The following VWA8 variants were observed in gnomAD, a reference collection of about 807,000 sequenced individuals.
VWA8 encodes the protein von Willebrand factor A domain containing 8, also known as von Willebrand factor A domain-containing protein 8.
In VWA8, 221 loss-of-function variants were observed where a neutral mutation model predicts 241.5. The observed-to-expected ratio is 0.91, with a 90% CI of 0.82 to 1.02. The LOEUF is 1.02. VWA8 is among the 50% of genes least tolerant of loss of function. The probability of loss-of-function intolerance (pLI) is 0.00; values close to 1 mark genes in which losing one functional copy is unlikely to be tolerated. For synonymous variants in VWA8, 852 were observed against 827.1 expected, an observed-to-expected ratio of 1.03 and a Z score of -0.52; for missense variants, 2,322 against 2,328.7, an observed-to-expected ratio of 1.00 and a Z score of 0.06.
chr13:41,795,829 A>C (rs916684625), intron 17 of VWA8, among the ~76,000 whole-genome samples: 1 of 152,152 alleles, frequency 6.6e-6, no homozygotes, highest in Non-Finnish European at 1.5e-5. Flanking sequence ...CAGGAAGAAT[A>C]GCTAATATAG....
Position 41,590,497 on chromosome 13 carries a change from TC to T in VWA8, c.5112+142del, listed in dbSNP as rs1489952817. The stretch of plus-strand genomic sequence containing the variant: ...TTTATGGAGTTTTTCTTCTTCTTCT[TC>T]TTTTTTTTTTTTTTTAACATAATGC... On this transcript the variant is annotated intron_variant, in intron 41 of 44. Coordinates refer to ENST00000379310, the MANE Select transcript of VWA8 (RefSeq NM_015058.2). 12 of 881,912 alleles carry T rather than the reference TC, an allele frequency of 1.4e-5. No individual in the cohort carries two copies. In the African/African-American group the frequency reaches 1.7e-4, roughly 13 times the overall value. The allele number at this position is 881,912 out of a possible 1,614,324, so 54.6% of individuals were successfully genotyped here.
At chr13:41,884,587 A>AG (rs1211888661) in intron 8 of VWA8, among the ~76,000 whole-genome samples, 1 of 151,928 alleles carries the variant, frequency 6.6e-6, no homozygotes, top group East Asian at 1.9e-4. Flanking sequence ...AGGAAAAAAA[A>AG]AAAGAAAAAA....
At chr13:41,729,798 GACACACACACAC>G (rs59345894) in intron 22 of VWA8, 121 bp from the exon 23 acceptor site, 298 of 445,168 alleles carry the variant, frequency 6.7e-4, no homozygotes, top group South Asian at 4.0e-3. Flanking sequence ...TATACACGTA[GACACACACACAC>G]ACACACACAC....
Position 41,685,220 on chromosome 13 carries a change from C to T in VWA8, c.4154G>A (p.Trp1385Ter). The T allele has an allele frequency of 2.5e-6, 4 of 1,612,330 alleles. No individual in the cohort carries two copies. The highest frequency in any genetic ancestry group is 3.4e-6 in the Non-Finnish European group (4 of 1,179,360). ...DLMSPSEVYS[W>*]KRPSSLHKRS... is the part of the protein sequence containing the mutation. ...TTTATGCAAAGATGATGGTCTCTTC[C>T]AAGAATAAACTTCACTGGGTGACTG... The change falls in exon 35 of 45, where the codon TGG becomes TAG. Residue 1385 changes from tryptophan to a stop codon, truncating the protein, a stop_gained. Coordinates refer to ENST00000379310, the MANE Select transcript of VWA8 (RefSeq NM_015058.2). LOFTEE classifies it high-confidence loss of function.
intron 14 of VWA8, among the ~76,000 whole-genome samples, chr13:41,820,886 G>A (rs1204427582): frequency 6.6e-6 from 1 of 152,214 alleles, no homozygotes; most frequent in South Asian, 2.1e-4. Flanking sequence ...AGCAACAGAT[G>A]TTGGATGTAT....
In VWA8 at chr13:41,677,142, T is replaced by C. The variant is rs544676539; in HGVS notation, c.4328-1846A>G. On this transcript the variant is annotated intron_variant, in intron 35 of 44. Transcript: ENST00000379310. The stretch of plus-strand genomic sequence containing the variant: ...GGTTATGGCATGGGGATTGTGTTTT[T>C]TGGGATTATGATCAGCTCTCAGGAT... Among the ~76,000 whole-genome samples, 137 of 152,268 alleles carry C rather than the reference T, an allele frequency of 9.0e-4. No individual in the cohort carries two copies. The Middle Eastern group carries it at 0.01, about 11-fold the overall frequency.
intron 2 of VWA8, chr13:41,926,361 T>C: frequency 1.8e-6 from 1 of 567,554 alleles, no homozygotes; most frequent in Non-Finnish European, 3.4e-6. Flanking sequence ...TATAAGAAGT[T>C]TCTTGGATGA....
At chr13:41,727,812 A>C (rs1424546421) in intron 23 of VWA8, among the ~76,000 whole-genome samples, 1 of 152,112 alleles carries the variant, frequency 6.6e-6, no homozygotes, top group African/African-American at 2.4e-5. Flanking sequence ...ATATTAATAG[A>C]ATAAAGGTCT....
intron 2 of VWA8, among the ~76,000 whole-genome samples, chr13:41,947,406 A>T (rs1877898656): frequency 6.6e-6 from 1 of 152,228 alleles, no homozygotes; most frequent in Non-Finnish European, 1.5e-5. Flanking sequence ...TGTTCCCAAA[A>T]TACTAAAAAC....
At chr13:41,784,747 T>TATATAC (rs1869102213) in intron 18 of VWA8, among the ~76,000 whole-genome samples, 1 of 103,524 alleles carries the variant, frequency 9.7e-6, no homozygotes, top group Non-Finnish European at 2.1e-5. Flanking sequence ...CATATATATA[T>TATATAC]ATATATATAT....
intron 12 of VWA8, among the ~76,000 whole-genome samples, chr13:41,847,272 CCA>C (rs141555971): frequency 0.013 from 1,990 of 152,144 alleles, 23 homozygotes; most frequent in Middle Eastern, 0.048. Flanking sequence ...TAAGAAAATA[CCA>C]CATAGTAGTT....
chr13:41,851,722 G>C (rs951657066), intron 12 of VWA8, among the ~76,000 whole-genome samples: 4 of 152,092 alleles, frequency 2.6e-5, no homozygotes, highest in African/African-American at 9.7e-5. Flanking sequence ...CCAGTCTCGG[G>C]TGTGTCTTTA....
At chr13:41,766,581 C>T (rs183445030) in intron 20 of VWA8, among the ~76,000 whole-genome samples, 95 of 152,322 alleles carry the variant, frequency 6.2e-4, no homozygotes, top group African/African-American at 2.2e-3. Flanking sequence ...CATATCTTTG[C>T]TTATGTGGTT....
In VWA8 at chr13:41,570,598, T is replaced by C. The variant is rs749453959; in HGVS notation, c.5479A>G (p.Ile1827Val). 11 of 1,614,254 alleles carry C rather than the reference T, an allele frequency of 6.8e-6. No homozygotes were observed. In the South Asian group the frequency reaches 1.2e-4, roughly 18 times the overall value. Residue 1827 changes from isoleucine (I) to valine (V), a missense_variant, in exon 44 of 45, where the codon ATA (isoleucine) becomes GTA (valine). Transcript: ENST00000379310. ...VKEEADEYFV[I>V]VLSDANLSRY... ...GACAGATTTGCATCACTCAAGACTA[T>C]GACAAAGTACTCATCAGCTTCTTCT...
chr13:41,960,641 A>C (rs935766038), intron 1 of VWA8, among the ~76,000 whole-genome samples: 1 of 152,248 alleles, frequency 6.6e-6, no homozygotes, highest in African/African-American at 2.4e-5. Context: ...CTCGGGTTGC[A>C]GAATCAGGCA....
Position 41,690,173 on chromosome 13 carries a change from A to C in VWA8, c.3969T>G (p.Val1323=), listed in dbSNP as rs371049914. 15 of 1,611,946 alleles carry C rather than the reference A, an allele frequency of 9.3e-6. No individual in the cohort carries two copies. The African/African-American group carries it at 1.9e-4, about 20-fold the overall frequency. ...AGATGACATAGTATTTACCTTGTGT[A>C]ACTCCAAACCCTGTGCTGGGCGGCT... ...KEEPPSTGFG[V]TQETEFSIPH... Residue 1323 remains valine (V), a synonymous_variant, in exon 33 of 45, where the codon GTT becomes GTG. Transcript: ENST00000379310.
intron 42 of VWA8, among the ~76,000 whole-genome samples, chr13:41,577,457 A>C (rs1006022150): frequency 1.3e-5 from 2 of 152,224 alleles, no homozygotes; most frequent in Non-Finnish European, 2.9e-5. Flanking sequence ...AGCTGTTAGA[A>C]ATTGCTCAGG....
intron 22 of VWA8, 128 bp downstream of exon 22, chr13:41,731,948 TCAGG>T: frequency 1.4e-6 from 1 of 696,388 alleles, no homozygotes. Context: ...TTACCCCGTC[TCAGG>T]TATGTCTTTA....
Position 41,717,195 on chromosome 13 carries a change from G to T in VWA8, c.3116+2396C>A, listed in dbSNP as rs1043717223. ...TCTTTTTACAGAATTATTGTCAATA[G>T]CTCCCCCTGCCTTTCTCAAAAATGT... is the stretch of plus-strand genomic sequence containing the variant. On this transcript the variant is annotated intron_variant, in intron 26 of 44. Transcript: ENST00000379310. Among the ~76,000 whole-genome samples the T allele has an allele frequency of 7.9e-5, 12 of 151,842 alleles. 1 individual carries two copies. The highest frequency in any genetic ancestry group is 2.9e-4 in the African/African-American group (12 of 41,454).
Sources: gnomAD v4.1 joint callset for allele counts (sites outside exome capture counted in the v4.1 genomes callset) on GRCh38, gnomAD v4.1.1 for gene constraint, MANE v1.5 for transcripts, NCBI Gene and HGNC (gene_info 2026-07-23, HGNC 2026-07-21) for gene names.